Variants in RRP12 observed in about 807,000 individuals in gnomAD.
The protein encoded by RRP12 is RRP12-like protein.
A neutral mutation model predicts 157.3 loss-of-function variants in RRP12; 78 were observed. The observed-to-expected ratio is 0.50, with a 90% CI of 0.41 to 0.60. The LOEUF (loss-of-function observed/expected upper bound fraction) is 0.60. Ranked by LOEUF, RRP12 falls within the 20% of genes least tolerant of loss-of-function variation. RRP12 has a pLI of 0.00. For missense variants in RRP12, 1,521 were observed against 1,679.9 expected (o/e 0.91, Z 1.65); for synonymous variants, 726 against 670.9 (o/e 1.08, Z -1.27).
chr10:97,386,817 C>T (rs1466473251), intron 8 of RRP12, among the ~76,000 whole-genome samples: 2 of 152,084 alleles, frequency 1.3e-5, no homozygotes, highest in African/African-American at 4.8e-5. Flanking sequence ...GGTGAAACCC[C>T]GTGTCTACTA....
chr10:97,372,817 G>T lies in RRP12; in HGVS notation c.2182-14C>A, dbSNP rs374626916. 2 of 1,557,902 alleles carry T rather than the reference G, an allele frequency of 1.3e-6. No individual in the cohort carries two copies. The highest frequency in any genetic ancestry group is 1.2e-5 in the South Asian group (1 of 84,590). Reference sequence around the variant, plus strand: ...ACTGTTCACCAACTTGTGGCCCCGAGGGAATGAGGAGAAGAGAGTCATTGG... The same window carrying T: ...ACTGTTCACCAACTTGTGGCCCCGATGGAATGAGGAGAAGAGAGTCATTGG... On this transcript the variant is annotated splice_polypyrimidine_tract_variant and intron_variant, in intron 18 of 33. Coordinates refer to ENST00000370992, the MANE Select transcript of RRP12 (RefSeq NM_015179.4).
chr10:97,366,352 G>GGCCT (rs1208077774), intron 28 of RRP12, 94 bp downstream of exon 28: 4 of 1,556,186 alleles, frequency 2.6e-6, no homozygotes, highest in Non-Finnish European at 3.5e-6. Context: ...CCTGTCCATG[G>GGCCT]GCCTGCCATG....
In RRP12 at chr10:97,401,138, G is replaced by A. The variant is rs1166403681; in HGVS notation, c.94C>T (p.Arg32Cys). Residue 32 changes from arginine to cysteine, a missense_variant, in exon 1 of 34, where the codon CGC (arginine) becomes TGC (cysteine). By Grantham distance (180) the Arg-to-Cys change is radical. Coordinates refer to ENST00000370992, the MANE Select transcript of RRP12 (RefSeq NM_015179.4). ...HSSDSNPAIC[R>C]HRQAARSRFF... ...CGGCTGCGGGCGGCCTGACGGTGGC[G>A]GCAGATGGCGGGGTTGCTGTCGCTG... is the stretch of plus-strand genomic sequence containing the variant. The A allele has an allele frequency of 6.2e-7, 1 of 1,613,886 alleles. No homozygotes were observed. Among genetic ancestry groups the A allele is most frequent in the Non-Finnish European group, 8.5e-7 (1 of 1,180,004 alleles).
intron 3 of RRP12, among the ~76,000 whole-genome samples, chr10:97,395,780 G>A (rs1844944733): frequency 6.6e-6 from 1 of 151,760 alleles, no homozygotes; most frequent in African/African-American, 2.4e-5. Flanking sequence ...GAACCCAGGA[G>A]GCAGAGGTTG....
chr10:97,368,164 G>A (rs901285001), intron 25 of RRP12, among the ~76,000 whole-genome samples: 2 of 150,452 alleles, frequency 1.3e-5, no homozygotes, highest in Non-Finnish European at 2.9e-5. Context: ...ATGAACAGCT[G>A]GGACTACAGG....
chr10:97,401,094 T>A lies in RRP12; in HGVS notation c.138A>T (p.Ser46=), dbSNP rs745695069. Residue 46 remains serine (S), a splice_region_variant and synonymous_variant, in exon 1 of 34, where the codon TCA becomes TCT. Transcript: ENST00000370992. Reference sequence around the variant, plus strand: ...GCGCTCGGGTCTCAACCCAGCTACCTGACGGCCGGCTGAAGAAGCGGCTGC... The same window carrying A: ...GCGCTCGGGTCTCAACCCAGCTACCAGACGGCCGGCTGAAGAAGCGGCTGC... ...AARSRFFSRP[S]GRSDLTVDAV... 5 of 1,613,018 alleles carry A rather than the reference T, an allele frequency of 3.1e-6. No homozygotes were observed. The highest frequency in any genetic ancestry group is 4.2e-6 in the Non-Finnish European group (5 of 1,179,594).
chr10:97,360,444 G>T, intron 31 of RRP12, 102 bp downstream of exon 31: 1 of 915,002 alleles, frequency 1.1e-6, no homozygotes, highest in South Asian at 1.4e-5. Flanking sequence ...GTGCAACCAG[G>T]CTGTGCACCC....
rs1463604995 is a variant in RRP12 at position 97,385,382 on chromosome 10, GC to G, written c.1117-126del. 4.1e-6 allele frequency: 3 copies of G among 726,130 alleles called. No individual in the cohort carries two copies. The African/African-American group carries it at 5.3e-5, about 13-fold the overall frequency. The allele number at this position is 726,130 out of a possible 1,614,324, so 45.0% of individuals were successfully genotyped here. On this transcript the variant is annotated intron_variant, in intron 9 of 33. Transcript: ENST00000370992. The stretch of plus-strand genomic sequence containing the variant: ...AGTGCTTGTGACCCTAGCACTCACA[GC>G]CCCCTTGGCTTTCCCAGCTCCTGCC...
intron 30 of RRP12, among the ~76,000 whole-genome samples, chr10:97,362,618 TC>T (rs1022110762): frequency 6.6e-6 from 1 of 151,994 alleles, no homozygotes; most frequent in Non-Finnish European, 1.5e-5. Context: ...GGTGAAGCTG[TC>T]CCACAGGAGT....
intron 29 of RRP12, among the ~76,000 whole-genome samples, chr10:97,365,537 T>A (rs1455668762): frequency 6.6e-6 from 1 of 151,808 alleles, no homozygotes; most frequent in Admixed American, 6.6e-5. Flanking sequence ...CCTCCCAAAG[T>A]GCTAGGATTA....
At chr10:97,391,608 G>C (rs1844805075) in intron 4 of RRP12, among the ~76,000 whole-genome samples, 1 of 150,080 alleles carries the variant, frequency 6.7e-6, no homozygotes, top group South Asian at 2.1e-4. Context: ...TTCTAATTGT[G>C]GTAAAATACA....
chr10:97,389,157 G>A (rs759511668), intron 6 of RRP12, among the ~76,000 whole-genome samples: 98 of 152,194 alleles, frequency 6.4e-4, no homozygotes, highest in Non-Finnish European at 1.2e-3. Flanking sequence ...TGCAGTGGCG[G>A]ATCTCGGCTC....
intron 30 of RRP12, among the ~76,000 whole-genome samples, chr10:97,362,102 T>G (rs2134999158): frequency 8.8e-6 from 1 of 114,138 alleles, no homozygotes; most frequent in Middle Eastern, 5.3e-3. Flanking sequence ...TGAGACTTCA[T>G]CTCAAAAAAA....
Position 97,388,457 on chromosome 10 carries a change from C to G in RRP12, c.889+32G>C, listed in dbSNP as rs912396153. 3 of 1,613,044 alleles carry G rather than the reference C, an allele frequency of 1.9e-6. No homozygotes were observed. The African/African-American group carries it at 4.0e-5, about 22-fold the overall frequency. On this transcript the variant is annotated intron_variant, in intron 7 of 33. Coordinates refer to ENST00000370992, the MANE Select transcript of RRP12 (RefSeq NM_015179.4). ...GTCCTGCTCTGCCAGCCACTGCCTC[C>G]CATCCACCTGCCCTCCATTTGGGTT...
intron 1 of RRP12, 77 bp downstream of exon 1, chr10:97,401,016 A>G: frequency 6.5e-7 from 1 of 1,543,954 alleles, no homozygotes; most frequent in Admixed American, 1.9e-5. Context: ...GCACTCTCCC[A>G]GAGGCCCCAG....
chr10:97,371,419 C>G (rs1261509202), intron 20 of RRP12: 1 of 314,740 alleles, frequency 3.2e-6, no homozygotes, highest in African/African-American at 2.1e-5. Context: ...CCTTCCAAGA[C>G]TGACAACTCC....
chr10:97,389,983 G>A (rs1248620426), intron 6 of RRP12, among the ~76,000 whole-genome samples: 1 of 152,146 alleles, frequency 6.6e-6, no homozygotes, highest in Non-Finnish European at 1.5e-5. Context: ...AAAGTGCTGG[G>A]ATTACAGGCG....
At chr10:97,389,288 T>C (rs1019391907) in intron 6 of RRP12, among the ~76,000 whole-genome samples, 21 of 152,074 alleles carry the variant, frequency 1.4e-4, no homozygotes, top group Non-Finnish European at 2.6e-4. Flanking sequence ...AGAGACGGGG[T>C]TTCACTATGT....
intron 24 of RRP12, 42 bp from the exon 25 acceptor site, chr10:97,369,624 C>G: frequency 6.5e-7 from 1 of 1,535,356 alleles, no homozygotes; most frequent in Non-Finnish European, 8.8e-7. Flanking sequence ...ACCCAGGACC[C>G]CACTCAGACC....
Sources: gnomAD v4.1 joint callset for allele counts (sites outside exome capture counted in the v4.1 genomes callset) on GRCh38, gnomAD v4.1.1 for gene constraint, MANE v1.5 for transcripts, NCBI Gene and HGNC (gene_info 2026-07-23, HGNC 2026-07-21) for gene names.